Variants in GRIK2 observed in about 807,000 individuals in gnomAD.
GRIK2 encodes glutamate ionotropic receptor kainate type subunit 2.
A neutral mutation model predicts 100.3 loss-of-function variants in GRIK2; 32 were observed. The ratio of observed to expected loss-of-function variants is 0.32; its 90% confidence interval spans 0.24 to 0.43. The LOEUF (loss-of-function observed/expected upper bound fraction) is 0.43, where lower values mean the gene tolerates loss of function less well. Among genes scored for constraint, GRIK2 ranks in the 20% least tolerant of loss-of-function variants. The probability of loss-of-function intolerance (pLI) is 1.00; values close to 1 mark genes in which losing one functional copy is unlikely to be tolerated. For synonymous variants in GRIK2, 417 were observed against 389.4 expected, an observed-to-expected ratio of 1.07 and a Z score of -0.83; for missense variants, 843 against 1,114.9, an observed-to-expected ratio of 0.76 and a Z score of 3.47.
intron 7 of GRIK2, among the ~76,000 whole-genome samples, chr6:101,788,600 G>T (rs150107876): frequency 6.6e-6 from 1 of 151,868 alleles, no homozygotes. Context: ...TTTCTTAATC[G>T]GGTCTATCAT....
chr6:101,999,513 C>T (rs1282965221), intron 14 of GRIK2, among the ~76,000 whole-genome samples: 1 of 152,040 alleles, frequency 6.6e-6, no homozygotes, highest in Non-Finnish European at 1.5e-5. Context: ...AAAAACTTCA[C>T]TTTTGTAGAA....
chr6:101,771,548 TATA>T (rs1025124551), intron 7 of GRIK2, among the ~76,000 whole-genome samples: 1 of 151,646 alleles, frequency 6.6e-6, no homozygotes, highest in African/African-American at 2.4e-5. Flanking sequence ...TTATTATTAT[TATA>T]CTTTAAGTTT....
chr6:101,990,446 T>G (rs1228670855), intron 14 of GRIK2, among the ~76,000 whole-genome samples: 1 of 151,638 alleles, frequency 6.6e-6, no homozygotes, highest in Non-Finnish European at 1.5e-5. Context: ...ATTTTCTCAC[T>G]CCAATTTCCA....
chr6:101,459,278 T>C (rs566186687), intron 2 of GRIK2, among the ~76,000 whole-genome samples: 1 of 152,356 alleles, frequency 6.6e-6, no homozygotes, highest in African/African-American at 2.4e-5. Context: ...CTTTGAATGT[T>C]GTCATTTTAA....
intron 3 of GRIK2, among the ~76,000 whole-genome samples, chr6:101,624,401 T>G (rs1780327487): frequency 6.6e-6 from 1 of 152,154 alleles, no homozygotes; most frequent in South Asian, 2.1e-4. Flanking sequence ...ACATGTTATT[T>G]AAAAAGTAAG....
At chr6:101,994,635 A>G (rs1326449199) in intron 14 of GRIK2, among the ~76,000 whole-genome samples, 1 of 151,856 alleles carries the variant, frequency 6.6e-6, no homozygotes, top group East Asian at 1.9e-4. Flanking sequence ...GGGTTTGTGC[A>G]GGATTTCTCC....
intron 7 of GRIK2, among the ~76,000 whole-genome samples, chr6:101,756,033 C>A (rs1309325944): frequency 6.6e-6 from 1 of 152,070 alleles, no homozygotes; most frequent in Admixed American, 6.6e-5. Flanking sequence ...TACTAGAGGA[C>A]TTTTATAGGT....
intron 4 of GRIK2, among the ~76,000 whole-genome samples, chr6:101,663,253 C>T (rs1046236669): frequency 6.6e-6 from 1 of 152,110 alleles, no homozygotes; most frequent in Admixed American, 6.5e-5. Context: ...CCGTTCATAA[C>T]TGCATTGACT....
At chr6:101,712,087 G>A (rs1773757219) in intron 7 of GRIK2, among the ~76,000 whole-genome samples, 1 of 151,770 alleles carries the variant, frequency 6.6e-6, no homozygotes, top group African/African-American at 2.4e-5. Flanking sequence ...CAACCAAGCT[G>A]AAATTAGAAC....
rs1303114895 is a variant in GRIK2, at chr6:101,636,156, A to C, written c.541+9519A>C. On this transcript the variant is annotated intron_variant, in intron 4 of 16. Coordinates refer to ENST00000369134, the MANE Select transcript of GRIK2 (RefSeq NM_021956.5). ...AAATGTGGCACATATAAACTATGGA[A>C]TGCTATGCAGCCATAAAAAAAAGGA... Among the ~76,000 whole-genome samples, 4 of 152,200 alleles carry C rather than the reference A, an allele frequency of 2.6e-5. No individual in the cohort carries two copies. The South Asian group carries it at 6.2e-4, about 24-fold the overall frequency.
At chr6:101,497,695 A>G (rs2128271524) in intron 2 of GRIK2, among the ~76,000 whole-genome samples, 1 of 152,262 alleles carries the variant, frequency 6.6e-6, no homozygotes, top group Middle Eastern at 3.4e-3. Context: ...AAAGCATCAT[A>G]TGCTTACCTT....
At chr6:101,794,157 G>A (rs530376849) in intron 7 of GRIK2, among the ~76,000 whole-genome samples, 30 of 152,218 alleles carry the variant, frequency 2.0e-4, no homozygotes, top group Admixed American at 2.6e-4. Flanking sequence ...GACCCCTTGC[G>A]CTTCCTGAGT....
chr6:102,021,401 T>G (rs936224348), intron 14 of GRIK2, among the ~76,000 whole-genome samples: 1 of 148,898 alleles, frequency 6.7e-6, no homozygotes, highest in Non-Finnish European at 1.5e-5. Flanking sequence ...TAATATTCTT[T>G]ACAAGATAAT....
chr6:101,668,539 C>T (rs1006253242), intron 4 of GRIK2, among the ~76,000 whole-genome samples: 3 of 144,666 alleles, frequency 2.1e-5, no homozygotes, highest in Admixed American at 1.4e-4. Flanking sequence ...CATACTTTGG[C>T]TTCTGAATAA....
At chr6:101,974,093 CTACTA>C (rs1582647743) in intron 14 of GRIK2, among the ~76,000 whole-genome samples, 1 of 151,978 alleles carries the variant, frequency 6.6e-6, no homozygotes, top group East Asian at 1.9e-4. Context: ...AATAGAGTCT[CTACTA>C]TACAAATCTA....
At chr6:101,473,065 A>G (rs905260587) in intron 2 of GRIK2, among the ~76,000 whole-genome samples, 2 of 151,444 alleles carry the variant, frequency 1.3e-5, no homozygotes, top group African/African-American at 4.8e-5. Context: ...CCTCTAATAG[A>G]GGTTCAGGCA....
chr6:101,542,023 T>C lies in GRIK2; in HGVS notation c.116-79926T>C, dbSNP rs574216552. Among the ~76,000 whole-genome samples the C allele has an allele frequency of 2.0e-5, 3 of 152,230 alleles. 1 individual carries two copies. In the South Asian group the frequency reaches 6.2e-4, roughly 32 times the overall value. On this transcript the variant is annotated intron_variant, in intron 2 of 16. Coordinates refer to ENST00000369134, the MANE Select transcript of GRIK2 (RefSeq NM_021956.5). ...TGATATTTAAATGATAGTTATTCTGTTTGTATTCTCATAATAGTTGAACAC... is the reference window on the plus strand; with the variant it reads ...TGATATTTAAATGATAGTTATTCTGCTTGTATTCTCATAATAGTTGAACAC...
intron 14 of GRIK2, among the ~76,000 whole-genome samples, chr6:101,980,697 A>C (rs1258479390): frequency 6.6e-6 from 1 of 151,824 alleles, no homozygotes; most frequent in East Asian, 1.9e-4. Context: ...TAAATATCTA[A>C]TAAGATCTTT....
chr6:101,515,532 A>C (rs568545005), intron 2 of GRIK2, among the ~76,000 whole-genome samples: 4 of 152,176 alleles, frequency 2.6e-5, no homozygotes, highest in Non-Finnish European at 5.9e-5. Context: ...CATTCCCACC[A>C]GCAGTGTAGA....
Sources: allele counts gnomAD v4.1 joint callset (sites outside exome capture counted in the v4.1 genomes callset), GRCh38; gene constraint gnomAD v4.1.1; transcripts MANE v1.5; gene names NCBI Gene and HGNC (gene_info 2026-07-23, HGNC 2026-07-21).